The following KCNQ5 variants were observed in gnomAD, a reference collection of about 807,000 sequenced individuals.
KCNQ5 encodes the protein potassium voltage-gated channel subfamily KQT member 5.
Under a neutral mutation model 98.2 loss-of-function variants are expected in KCNQ5, and 30 were observed. The ratio of observed to expected loss-of-function variants is 0.31; its 90% confidence interval spans 0.23 to 0.41. KCNQ5 has a LOEUF of 0.41. KCNQ5 is among the 10% of genes least tolerant of loss of function. The pLI, the probability that KCNQ5 is intolerant of heterozygous loss-of-function variation, is 1.00. For synonymous variants in KCNQ5, 458 were observed against 449.4 expected (o/e 1.02, Z -0.24); for missense variants, 835 against 1,182.5 (o/e 0.71, Z 4.31).
At chr6:73,093,499 AT>A (rs1414752782) in intron 5 of KCNQ5, among the ~76,000 whole-genome samples, 1 of 151,780 alleles carries the variant, frequency 6.6e-6, no homozygotes, top group East Asian at 1.9e-4. Flanking sequence ...GTGACCTTAG[AT>A]TGTCTGTTTG....
At chr6:72,809,161 A>G (rs2150102221) in intron 1 of KCNQ5, among the ~76,000 whole-genome samples, 2 of 146,604 alleles carry the variant, frequency 1.4e-5, no homozygotes, top group Non-Finnish European at 3.0e-5. Context: ...CAAACACCGC[A>G]TATTCTCACT....
At chr6:72,940,468 G>C (rs1766171409) in intron 1 of KCNQ5, among the ~76,000 whole-genome samples, 1 of 152,196 alleles carries the variant, frequency 6.6e-6, no homozygotes, top group Admixed American at 6.5e-5. Flanking sequence ...AGCAAGGGCT[G>C]CAACAGTCAT....
intron 1 of KCNQ5, among the ~76,000 whole-genome samples, chr6:72,641,582 A>C (rs1219687749): frequency 1.3e-5 from 2 of 152,076 alleles, no homozygotes; most frequent in East Asian, 3.9e-4. Context: ...TCAGCTTTGC[A>C]AGCACACTAT....
At chr6:72,888,839 CA>C (rs1778948483) in intron 1 of KCNQ5, among the ~76,000 whole-genome samples, 1 of 152,088 alleles carries the variant, frequency 6.6e-6, no homozygotes, top group Non-Finnish European at 1.5e-5. Context: ...ATTTATTGTG[CA>C]AACTACTACT....
intron 1 of KCNQ5, among the ~76,000 whole-genome samples, chr6:72,948,150 T>C (rs1314191249): frequency 2.6e-5 from 4 of 152,110 alleles, no homozygotes; most frequent in Non-Finnish European, 5.9e-5. Flanking sequence ...AATTTTAAAA[T>C]AATTGCTGGA....
intron 1 of KCNQ5, chr6:72,630,473 G>A (rs2098920200): frequency 6.6e-6 from 1 of 152,142 alleles, no homozygotes; most frequent in African/African-American, 2.4e-5. Context: ...TGTATGCCAG[G>A]TAATGTGCTA....
At position 72,622,266 on chromosome 6, in the gene KCNQ5, C is replaced by T; in HGVS notation, c.77C>T (p.Ala26Val). The T allele has an allele frequency of 1.6e-6, 2 of 1,269,162 alleles. No individual in the cohort carries two copies. The highest frequency in any genetic ancestry group is 2.0e-6 in the Non-Finnish European group (2 of 1,011,578). 78.6% of individuals were successfully genotyped at this position (1,269,162 alleles called of 1,614,324 possible). A position where few individuals can be genotyped will look rare whatever the true frequency, so the allele number is the denominator to read the frequency against. ...GTGAAGAGCGGCGCAGCGGCGGCGG[C>T]GGCGGGCGGGGGGCGCTTGGGCAGC... Reference protein sequence around the residue: ...LWVKSGAAAAAAGGGRLGSGM... With the variant: ...LWVKSGAAAAVAGGGRLGSGM... The change falls in exon 1 of 14, where the codon GCG (alanine) becomes GTG (valine). Residue 26 changes from alanine (A) to valine (V), a missense_variant. Transcript: ENST00000370398. This position sits in a 1 kb window ranked among gnomAD's most constrained non-coding sequence, Gnocchi z 6.0.
intron 10 of KCNQ5, among the ~76,000 whole-genome samples, chr6:73,149,536 G>A (rs144087967): frequency 1.3e-5 from 2 of 152,164 alleles, no homozygotes; most frequent in Non-Finnish European, 2.9e-5. Flanking sequence ...GGTGGCTCAC[G>A]CCTGTAATCC....
chr6:72,791,733 T>C (rs190404166), intron 1 of KCNQ5, among the ~76,000 whole-genome samples: 1 of 152,224 alleles, frequency 6.6e-6, no homozygotes, highest in African/African-American at 2.4e-5. Context: ...AAGCCCAAGA[T>C]TGAAGGACCA....
chr6:73,118,536 G>T (rs1775602478), intron 7 of KCNQ5, among the ~76,000 whole-genome samples: 1 of 152,152 alleles, frequency 6.6e-6, no homozygotes, highest in Non-Finnish European at 1.5e-5. Flanking sequence ...TGTATCATAG[G>T]ATACTTAAAT....
chr6:73,143,015 A>G (rs539613469), intron 10 of KCNQ5, among the ~76,000 whole-genome samples: 2 of 152,302 alleles, frequency 1.3e-5, no homozygotes, highest in South Asian at 4.1e-4. Context: ...TTTCTTGTAC[A>G]ATGTATGGCC....
At chr6:73,164,997 G>A (rs994712365) in intron 10 of KCNQ5, among the ~76,000 whole-genome samples, 1 of 150,870 alleles carries the variant, frequency 6.6e-6, no homozygotes, top group African/African-American at 2.4e-5. Flanking sequence ...TTTTTTTTAA[G>A]AGAGTGGGTC....
intron 1 of KCNQ5, among the ~76,000 whole-genome samples, chr6:72,925,968 C>T (rs369179528): frequency 2.9e-4 from 44 of 152,272 alleles, no homozygotes; most frequent in African/African-American, 9.9e-4. Flanking sequence ...ATATGCAGTC[C>T]ATTTAATGTT....
chr6:73,197,636 C>T lies in KCNQ5; in HGVS notation c.*2222C>T, dbSNP rs1765844512. On this transcript the variant is annotated 3_prime_UTR_variant, in exon 14 of 14. Transcript: ENST00000370398. Reference sequence around the variant, plus strand: ...ACACACACACACACACACACACACACACACACCCCTCCACTGACCTAAAGC... The same window carrying T: ...ACACACACACACACACACACACACATACACACCCCTCCACTGACCTAAAGC... 2 of 133,062 alleles carry T rather than the reference C, an allele frequency of 1.5e-5. No individual in the cohort carries two copies. The highest frequency in any genetic ancestry group is 1.5e-4 in the Admixed American group (2 of 13,292). 8.2% of individuals were successfully genotyped at this position (133,062 alleles called of 1,614,324 possible). A position where few individuals can be genotyped will look rare whatever the true frequency, so the allele number is the denominator to read the frequency against.
In KCNQ5 at chr6:72,677,698, A is replaced by G. The variant is rs548446277; in HGVS notation, c.398+55111A>G. ...CACCTAACACAATACTAAGGAATTC[A>G]ACTGAATGAGAAATTTATTCTAGGC... On this transcript the variant is annotated intron_variant, in intron 1 of 13. Coordinates refer to ENST00000370398, the MANE Select transcript of KCNQ5 (RefSeq NM_019842.4). 2.6e-5 allele frequency among the ~76,000 whole-genome samples: 4 copies of G among 152,338 alleles called. No homozygotes were observed. The South Asian group carries it at 8.3e-4, about 32-fold the overall frequency.
intron 1 of KCNQ5, among the ~76,000 whole-genome samples, chr6:72,714,927 A>G (rs1769567295): frequency 6.6e-6 from 1 of 152,210 alleles, no homozygotes. Flanking sequence ...GAGATAATAA[A>G]GGAAATGGGC....
intron 1 of KCNQ5, among the ~76,000 whole-genome samples, chr6:72,972,568 C>T (rs941695040): frequency 2.0e-5 from 3 of 151,896 alleles, no homozygotes; most frequent in Non-Finnish European, 4.4e-5. Context: ...TGTTCAACTC[C>T]CACTTATGAG....
At position 73,094,307 on chromosome 6, in the gene KCNQ5, T is replaced by C. The variant is rs111916699; in HGVS notation, c.919-10950T>C. Among the ~76,000 whole-genome samples, 272 of 152,216 alleles carry C rather than the reference T, an allele frequency of 1.8e-3. 1 individual carries two copies. Among genetic ancestry groups the C allele is most frequent in the African/African-American group, 6.0e-3 (250 of 41,524 alleles). ...TGAGACTCCTTATGTGTTAGGTGAG[T>C]CTCTTGAAGTCAGCAGGTAGTTGGT... is the stretch of plus-strand genomic sequence containing the variant. On this transcript the variant is annotated intron_variant, in intron 5 of 13. Transcript: ENST00000370398.
chr6:73,159,181 A>G (rs1777513384), intron 10 of KCNQ5, among the ~76,000 whole-genome samples: 1 of 152,224 alleles, frequency 6.6e-6, no homozygotes, highest in Non-Finnish European at 1.5e-5. Flanking sequence ...ACAGAATGAG[A>G]TCATGTCCTT....
Sources: allele counts gnomAD v4.1 joint callset (sites outside exome capture counted in the v4.1 genomes callset), GRCh38; gene constraint gnomAD v4.1.1; non-coding constraint Gnocchi (gnomAD v3.1); transcripts MANE v1.5; gene names NCBI Gene and HGNC (gene_info 2026-07-23, HGNC 2026-07-21).